The following CCDC57 variants were observed in gnomAD, a reference collection of about 807,000 sequenced individuals.
The protein encoded by CCDC57 is coiled-coil domain containing 57.
Under a neutral mutation model 118.9 loss-of-function variants are expected in CCDC57, and 118 were observed. The ratio of observed to expected loss-of-function variants is 0.99; its 90% confidence interval spans 0.86 to 1.16. The LOEUF is 1.16. Ranked by LOEUF, CCDC57 falls within the 50% of genes most tolerant of loss-of-function variation. The pLI is 0.00. For missense variants in CCDC57, 1,300 were observed against 1,320.7 expected, an observed-to-expected ratio of 0.98 and a Z score of 0.24; for synonymous variants, 527 against 532.9, an observed-to-expected ratio of 0.99 and a Z score of 0.15.
chr17:82,108,254 T>A (rs1351353451), intron 19 of CCDC57, among the ~76,000 whole-genome samples: 1 of 152,214 alleles, frequency 6.6e-6, no homozygotes, highest in African/African-American at 2.4e-5. Context: ...TGTCATGGCT[T>A]GCCCGGGTCC....
chr17:82,137,303 G>A (rs952291962), intron 16 of CCDC57, among the ~76,000 whole-genome samples: 3 of 152,222 alleles, frequency 2.0e-5, no homozygotes, highest in African/African-American at 7.2e-5. Flanking sequence ...TTACCGGCGT[G>A]AGCCACTGCA....
Position 82,150,888 on chromosome 17 carries a change from C to CAGG in CCDC57, c.2455+671_2455+672insCCT, listed in dbSNP as rs1568273676. 2.3e-3 allele frequency among the ~76,000 whole-genome samples: 210 copies of CAGG among 93,000 alleles called. 2 individuals are homozygous for CAGG. The highest frequency in any genetic ancestry group is 0.014 in the Middle Eastern group (2 of 142). 61.0% of individuals were successfully genotyped at this position (93,000 alleles called of 152,430 possible). On this transcript the variant is annotated intron_variant, in intron 16 of 19. Transcript: ENST00000665763. ...CCAGAACCTGGTGCACACCCAGAAC[C>CAGG]TGACCCACACCCAGAACCTGACCCG... is the stretch of plus-strand genomic sequence containing the variant.
intron 16 of CCDC57, among the ~76,000 whole-genome samples, chr17:82,142,257 G>A (rs2040108526): frequency 6.6e-6 from 1 of 152,060 alleles, no homozygotes; most frequent in African/African-American, 2.4e-5. Flanking sequence ...GAACCAGGAT[G>A]AGCCATAGCT....
At chr17:82,153,588 C>G (rs2042325061) in intron 15 of CCDC57, 1 of 152,198 alleles carries the variant, frequency 6.6e-6, no homozygotes. Context: ...GTGAACGATT[C>G]TACTTCTCTC....
intron 13 of CCDC57, among the ~76,000 whole-genome samples, chr17:82,164,697 C>G (rs747398310): frequency 1.8e-4 from 27 of 152,034 alleles, no homozygotes; most frequent in Non-Finnish European, 3.7e-4. Flanking sequence ...TGGACAATTT[C>G]TTAGTAAAAT....
chr17:82,203,147 T>C (rs2049195350), intron 2 of CCDC57, among the ~76,000 whole-genome samples: 1 of 152,068 alleles, frequency 6.6e-6, no homozygotes, highest in African/African-American at 2.4e-5. Context: ...TCTGGGGAGA[T>C]TTGGTCATTT....
Position 82,172,906 on chromosome 17 carries a change from C to T in CCDC57, c.1507-46G>A, listed in dbSNP as rs2044936706. The T allele has an allele frequency of 1.3e-6, 2 of 1,533,336 alleles. No homozygotes were observed. The highest frequency in any genetic ancestry group is 1.9e-5 in the Admixed American group (1 of 53,038). 95.0% of individuals were successfully genotyped at this position (1,533,336 alleles called of 1,614,324 possible). ...TGGCTACAAAAAGATGAATGGTTCC[C>T]CAGCTTGTCCTGACAGGCTGTGCCT... On this transcript the variant is annotated intron_variant, in intron 11 of 19. Coordinates refer to ENST00000665763, the Ensembl canonical transcript of CCDC57. This position sits in a 1 kb window ranked among gnomAD's most constrained non-coding sequence, Gnocchi z 5.2.
At position 82,187,377 on chromosome 17, in the gene CCDC57, CAT is replaced by C. The variant is rs759279279; in HGVS notation, c.1052+840_1052+841del. ...CAGAGAAAAGGAAAAAATTCTGACA[CAT>C]GTTAAAATGTGGACAAACTTTGAGG... On this transcript the variant is annotated intron_variant, in intron 8 of 19. Transcript: ENST00000665763. Among the ~76,000 whole-genome samples, 140 of 148,436 alleles carry C rather than the reference CAT, an allele frequency of 9.4e-4. 1 individual carries two copies. Among genetic ancestry groups the C allele is most frequent in the Non-Finnish European group, 1.6e-3 (111 of 67,476 alleles).
intron 19 of CCDC57, among the ~76,000 whole-genome samples, chr17:82,123,386 C>T (rs1296220883): frequency 6.6e-6 from 1 of 151,202 alleles, no homozygotes; most frequent in African/African-American, 2.4e-5. Flanking sequence ...ACTTTAGCCT[C>T]CCCAAATGCT....
At chr17:82,177,852 C>A (rs34153075) in intron 11 of CCDC57, among the ~76,000 whole-genome samples, 38,840 of 152,078 alleles carry the variant, frequency 0.26, 5,513 homozygotes, top group Non-Finnish European at 0.33. Context: ...TGTACAATAG[C>A]CCACAGAAAA....
At position 82,157,170 on chromosome 17, in the gene CCDC57, G is replaced by A. The variant is rs183545376; in HGVS notation, c.2241+578C>T. On this transcript the variant is annotated intron_variant, in intron 15 of 19. Transcript: ENST00000665763. ...CTGCCAAGCTGCAGAATCAGGACCTGGGGTCGTCTCCACAGCTCAGAGCTG... is the reference window on the plus strand; with the variant it reads ...CTGCCAAGCTGCAGAATCAGGACCTAGGGTCGTCTCCACAGCTCAGAGCTG... 1,426 of 153,666 alleles carry A rather than the reference G, an allele frequency of 9.3e-3. 13 individuals are homozygous for A. Among genetic ancestry groups the A allele is most frequent in the Admixed American group, 0.012 (187 of 15,508 alleles). The allele number at this position is 153,666 out of a possible 1,614,324, so 9.5% of individuals were successfully genotyped here. A position where few individuals can be genotyped will look rare whatever the true frequency, so the allele number is the denominator to read the frequency against.
At chr17:82,159,508 C>T (rs1484869423) in intron 14 of CCDC57, among the ~76,000 whole-genome samples, 3 of 152,070 alleles carry the variant, frequency 2.0e-5, no homozygotes, top group African/African-American at 7.2e-5. Context: ...ATTGCAACAA[C>T]AAGGACACAC....
chr17:82,183,763 G>C lies in CCDC57; in HGVS notation c.1211+11C>G, dbSNP rs754908018. ...GACCCTCAATGGAAACATCTGCCTG[G>C]GGACAGTTACCTTTCAATGTCCTGC... On this transcript the variant is annotated intron_variant, in intron 9 of 19. Coordinates refer to ENST00000665763, the Ensembl canonical transcript of CCDC57. The C allele has an allele frequency of 7.7e-5, 119 of 1,551,836 alleles. No homozygotes were observed. The highest frequency in any genetic ancestry group is 2.0e-5 in the Admixed American group (1 of 50,886).
intron 19 of CCDC57, among the ~76,000 whole-genome samples, chr17:82,122,360 C>T (rs758929319): frequency 1.0e-4 from 9 of 90,010 alleles, no homozygotes; most frequent in Non-Finnish European, 2.0e-4. Context: ...TTTGCAAGGG[C>T]GTCTGTCCAG....
chr17:82,102,246 GCTC>G (rs1303820447), intron 19 of CCDC57, among the ~76,000 whole-genome samples: 1 of 152,228 alleles, frequency 6.6e-6, no homozygotes, highest in African/African-American at 2.4e-5. Context: ...TTGACTCAAA[GCTC>G]CTCCCCCCAG....
At chr17:82,185,839 G>A (rs1303584142) in intron 8 of CCDC57, among the ~76,000 whole-genome samples, 1 of 152,058 alleles carries the variant, frequency 6.6e-6, no homozygotes, top group Non-Finnish European at 1.5e-5. Context: ...AACATGGGGA[G>A]ACCCCATCTC....
In CCDC57 at chr17:82,159,536, C is replaced by T. The variant is rs146843540; in HGVS notation, c.2041-1588G>A. Reference sequence around the variant, plus strand: ...GGACACACTTCCAATCAAGGCGAGGCGTTAGGCATCAGCAGAAAATGAGAG... The same window carrying T: ...GGACACACTTCCAATCAAGGCGAGGTGTTAGGCATCAGCAGAAAATGAGAG... On this transcript the variant is annotated intron_variant, in intron 14 of 19. Transcript: ENST00000665763. Among the ~76,000 whole-genome samples, 1,305 of 152,242 alleles carry T rather than the reference C, an allele frequency of 8.6e-3. 8 individuals carry two copies. The highest frequency in any genetic ancestry group is 0.017 in the Middle Eastern group (5 of 294).
chr17:82,147,532 G>A (rs2145710999), intron 16 of CCDC57, among the ~76,000 whole-genome samples: 1 of 149,530 alleles, frequency 6.7e-6, no homozygotes, highest in South Asian at 2.2e-4. Flanking sequence ...TGGGTGGACG[G>A]ATGGATGGAT....
rs371677491 is a variant in CCDC57, at chr17:82,173,798, C to T, written c.1507-938G>A. On this transcript the variant is annotated intron_variant, in intron 11 of 19. Transcript: ENST00000665763. Reference sequence around the variant, plus strand: ...CAGACCCCGCAAGGAGCCACCAAGGCGGGAGGACAACGAGGTGAGGTGGCT... The same window carrying T: ...CAGACCCCGCAAGGAGCCACCAAGGTGGGAGGACAACGAGGTGAGGTGGCT... Among the ~76,000 whole-genome samples, 5 of 148,486 alleles carry T rather than the reference C, an allele frequency of 3.4e-5. No homozygotes were observed. The South Asian group carries it at 9.0e-4, about 27-fold the overall frequency.
Sources: gnomAD v4.1 joint callset for allele counts (sites outside exome capture counted in the v4.1 genomes callset) on GRCh38, gnomAD v4.1.1 for gene constraint, Gnocchi (gnomAD v3.1) non-coding constraint, MANE v1.5 for transcripts, NCBI Gene and HGNC (gene_info 2026-07-23, HGNC 2026-07-21) for gene names.